Variants in DGKB observed in about 807,000 individuals in gnomAD.
The protein encoded by DGKB is diacylglycerol kinase beta.
Under a neutral mutation model 114.3 loss-of-function variants are expected in DGKB, and 67 were observed. That is an observed-to-expected ratio of 0.59 (90% CI 0.48 to 0.72). The LOEUF is 0.72. Among genes scored for constraint, DGKB ranks in the 30% least tolerant of loss-of-function variants. The pLI, the probability that DGKB is intolerant of heterozygous loss-of-function variation, is 0.00. For missense variants in DGKB, 907 were observed against 975.2 expected, an observed-to-expected ratio of 0.93 and a Z score of 0.93; for synonymous variants, 398 against 323.1, an observed-to-expected ratio of 1.23 and a Z score of -2.49.
intron 19 of DGKB, among the ~76,000 whole-genome samples, chr7:14,578,260 C>T (rs1799451069): frequency 6.6e-6 from 1 of 152,136 alleles, no homozygotes; most frequent in Admixed American, 6.6e-5. Context: ...GTCAATTAAA[C>T]CTTTCTTTAT....
At chr7:14,276,292 G>A (rs1020493852) in intron 23 of DGKB, among the ~76,000 whole-genome samples, 1 of 151,882 alleles carries the variant, frequency 6.6e-6, no homozygotes, top group Non-Finnish European at 1.5e-5. Context: ...ACATTGTATC[G>A]ACACCACGCA....
chr7:14,302,944 CTT>C (rs1409763840), intron 23 of DGKB, among the ~76,000 whole-genome samples: 3 of 152,120 alleles, frequency 2.0e-5, no homozygotes, highest in Non-Finnish European at 4.4e-5. Flanking sequence ...TGAGAAAAGA[CTT>C]TGTGCAATTC....
intron 20 of DGKB, among the ~76,000 whole-genome samples, chr7:14,481,889 C>A (rs975167641): frequency 6.6e-6 from 1 of 151,880 alleles, no homozygotes; most frequent in Non-Finnish European, 1.5e-5. Context: ...TTACTGCAAA[C>A]AAGAAAATTG....
chr7:14,632,788 A>G (rs1448247244), intron 13 of DGKB, among the ~76,000 whole-genome samples: 1 of 151,838 alleles, frequency 6.6e-6, no homozygotes, highest in Admixed American at 6.6e-5. Context: ...GAACAGAGAA[A>G]GAGGGGGAAC....
intron 25 of DGKB, among the ~76,000 whole-genome samples, chr7:14,170,149 G>GAAAGAA (rs1562523209): frequency 7.5e-5 from 2 of 26,570 alleles, no homozygotes; most frequent in East Asian, 8.1e-4. Context: ...AAAAAAAAAA[G>GAAAGAA]AAAGAAAGAA....
chr7:14,358,739 T>C (rs1364321294), intron 21 of DGKB, among the ~76,000 whole-genome samples: 1 of 152,010 alleles, frequency 6.6e-6, no homozygotes, highest in African/African-American at 2.4e-5. Flanking sequence ...GGAATCCAAC[T>C]TACAAGGGAT....
chr7:14,170,343 T>C (rs918670051), intron 25 of DGKB, among the ~76,000 whole-genome samples: 3 of 152,156 alleles, frequency 2.0e-5, no homozygotes, highest in African/African-American at 7.2e-5. Context: ...AGGTTTTTTC[T>C]TAAATTTATA....
chr7:14,811,526 AATT>A (rs1843430011), intron 2 of DGKB, among the ~76,000 whole-genome samples: 1 of 152,222 alleles, frequency 6.6e-6, no homozygotes, highest in Non-Finnish European at 1.5e-5. Context: ...TCAAACGTGA[AATT>A]ATTCAAGTTA....
chr7:14,382,968 G>T (rs1819724312), intron 21 of DGKB, among the ~76,000 whole-genome samples: 1 of 152,174 alleles, frequency 6.6e-6, no homozygotes. Context: ...AAAATGTGGT[G>T]TCCAGGCGAG....
chr7:14,679,980 C>G (rs747679031), intron 12 of DGKB, among the ~76,000 whole-genome samples: 16 of 151,904 alleles, frequency 1.1e-4, no homozygotes, highest in Non-Finnish European at 1.8e-4. Context: ...CTGATAGAGT[C>G]TCCTGGATAT....
At chr7:14,548,316 G>C (rs1794611484) in intron 20 of DGKB, among the ~76,000 whole-genome samples, 1 of 152,194 alleles carries the variant, frequency 6.6e-6, no homozygotes. Context: ...GTGCAACTGA[G>C]AAACAATGTG....
rs140252731 is a variant in DGKB, at chr7:14,457,060, A to C, written c.1835+21101T>G. 8.2e-3 allele frequency among the ~76,000 whole-genome samples: 1,251 copies of C among 152,292 alleles called. 15 individuals are homozygous for C. Among genetic ancestry groups the C allele is most frequent in the African/African-American group, 0.027 (1,109 of 41,572 alleles). ...AAATGACAGCATTAACTGCTTTTCAAGAGATAAGAAGCAAATATATTTCAT... is the reference window on the plus strand; with the variant it reads ...AAATGACAGCATTAACTGCTTTTCACGAGATAAGAAGCAAATATATTTCAT... On this transcript the variant is annotated intron_variant, in intron 21 of 25. Coordinates refer to ENST00000402815, the MANE Select transcript of DGKB (RefSeq NM_001350709.2).
chr7:14,370,944 A>C (rs1220919691), intron 21 of DGKB, among the ~76,000 whole-genome samples: 2 of 152,146 alleles, frequency 1.3e-5, no homozygotes, highest in Non-Finnish European at 2.9e-5. Flanking sequence ...CAGTTAATTT[A>C]GTTAGGACAA....
chr7:14,574,378 G>T lies in DGKB; in HGVS notation c.1610-6C>A. On this transcript the variant is annotated splice_polypyrimidine_tract_variant and splice_region_variant and intron_variant, in intron 19 of 25. Transcript: ENST00000402815. ...CAGATTCTCACCTTCGTAACCTAGT[G>T]GGAAAAAAAAATACCTTGAGAAAAG... 1 of 1,590,868 alleles carries T rather than the reference G, an allele frequency of 6.3e-7. No individual in the cohort carries two copies. Among genetic ancestry groups the T allele is most frequent in the South Asian group, 1.2e-5 (1 of 86,622 alleles).
chr7:14,852,737 C>G (rs867632529), intron 1 of DGKB, among the ~76,000 whole-genome samples: 1 of 152,098 alleles, frequency 6.6e-6, no homozygotes, highest in Admixed American at 6.6e-5. Context: ...AGTTGAATGG[C>G]TTTCTCAATC....
chr7:14,497,148 G>A (rs1785421448), intron 20 of DGKB, among the ~76,000 whole-genome samples: 1 of 151,586 alleles, frequency 6.6e-6, no homozygotes, highest in Non-Finnish European at 1.5e-5. Flanking sequence ...GTACACAAAG[G>A]CATACAGAGT....
chr7:14,356,573 G>T (rs1157175452), intron 21 of DGKB, among the ~76,000 whole-genome samples: 1 of 151,872 alleles, frequency 6.6e-6, no homozygotes, highest in East Asian at 1.9e-4. Context: ...TGTTAGCCAG[G>T]ATGGTCTCAA....
intron 17 of DGKB, among the ~76,000 whole-genome samples, chr7:14,599,388 T>G (rs1177887497): frequency 6.6e-6 from 1 of 152,116 alleles, no homozygotes; most frequent in Admixed American, 6.6e-5. Context: ...TCTGTTCTAG[T>G]CTCCCTGGGC....
chr7:14,202,516 C>T (rs1786063590), intron 23 of DGKB, among the ~76,000 whole-genome samples: 1 of 151,944 alleles, frequency 6.6e-6, no homozygotes, highest in South Asian at 2.1e-4. Context: ...TTCAAGAAAA[C>T]TGTTAATTTC....
Sources: gnomAD v4.1 joint callset for allele counts (sites outside exome capture counted in the v4.1 genomes callset) on GRCh38, gnomAD v4.1.1 for gene constraint, MANE v1.5 for transcripts, NCBI Gene and HGNC (gene_info 2026-07-23, HGNC 2026-07-21) for gene names.